The following USP45 variants were observed in gnomAD, a reference collection of about 807,000 sequenced individuals.
USP45 encodes ubiquitin carboxyl-terminal hydrolase 45.
Under a neutral mutation model 95.8 loss-of-function variants are expected in USP45, and 89 were observed. That is an observed-to-expected ratio of 0.93 (90% CI 0.78 to 1.11). The LOEUF (loss-of-function observed/expected upper bound fraction) is 1.11, where lower values mean the gene tolerates loss of function less well. USP45 is among the 50% of genes least tolerant of loss of function. The pLI, the probability that USP45 is intolerant of heterozygous loss-of-function variation, is 0.00. For missense variants in USP45, 898 were observed against 942.5 expected, an observed-to-expected ratio of 0.95 and a Z score of 0.62; for synonymous variants, 281 against 316.2, an observed-to-expected ratio of 0.89 and a Z score of 1.18.
At chr6:99,514,374 A>G (rs1213224651) in intron 1 of USP45, among the ~76,000 whole-genome samples, 2 of 152,236 alleles carry the variant, frequency 1.3e-5, no homozygotes, top group African/African-American at 2.4e-5. Context: ...TAATTTCGGC[A>G]TAAAACATAC....
At chr6:99,461,470 C>A in intron 13 of USP45, 1 of 985,284 alleles carries the variant, frequency 1.0e-6, no homozygotes, top group Non-Finnish European at 1.2e-6. Context: ...TGTATTTAGG[C>A]CAGAAATTGC....
intron 5 of USP45, among the ~76,000 whole-genome samples, chr6:99,493,276 T>C (rs138541485): frequency 1.9e-3 from 294 of 152,290 alleles, no homozygotes; most frequent in Admixed American, 5.5e-3. Context: ...TCCACCCTCC[T>C]TGGCCTCCCA....
chr6:99,477,811 CT>C (rs1040571111), intron 8 of USP45, among the ~76,000 whole-genome samples: 6 of 152,186 alleles, frequency 3.9e-5, no homozygotes, highest in African/African-American at 1.4e-4. Flanking sequence ...CCTTGATGGG[CT>C]TCCCTACCTG....
At chr6:99,508,031 A>G (rs1402575151) in intron 3 of USP45, among the ~76,000 whole-genome samples, 2 of 152,200 alleles carry the variant, frequency 1.3e-5, no homozygotes, top group Non-Finnish European at 2.9e-5. Flanking sequence ...TAAGAGGAAC[A>G]CAACCATGAG....
intron 14 of USP45, 46 bp from the exon 15 acceptor site, chr6:99,443,708 A>G (rs779119028): frequency 8.4e-7 from 1 of 1,192,714 alleles, no homozygotes; most frequent in South Asian, 1.7e-5. Context: ...CATTTTATAC[A>G]TTATCTACCA....
chr6:99,503,349 C>T (rs192536866), intron 5 of USP45, among the ~76,000 whole-genome samples: 77 of 149,116 alleles, frequency 5.2e-4, no homozygotes, highest in Admixed American at 1.2e-3. Context: ...TTTCTTGAGA[C>T]GGGGTCTTGC....
At chr6:99,495,841 C>T (rs1796172951) in intron 5 of USP45, among the ~76,000 whole-genome samples, 2 of 152,152 alleles carry the variant, frequency 1.3e-5, no homozygotes, top group Non-Finnish European at 2.9e-5. Context: ...AACACCCTAA[C>T]ATCCTAGGTA....
chr6:99,507,641 A>G, intron 3 of USP45, 110 bp from the exon 4 acceptor site: 1 of 682,542 alleles, frequency 1.5e-6, no homozygotes, highest in Non-Finnish European at 2.4e-6. Context: ...TTTTAATTTC[A>G]GGCCAGAGGA....
At chr6:99,490,474 C>T (rs932550164) in intron 5 of USP45, among the ~76,000 whole-genome samples, 4 of 152,040 alleles carry the variant, frequency 2.6e-5, no homozygotes, top group African/African-American at 9.7e-5. Flanking sequence ...GCCACCGTAG[C>T]CAGCCAGCCC....
chr6:99,508,457 T>C (rs1278281590), intron 3 of USP45, among the ~76,000 whole-genome samples, 153 bp downstream of exon 3: 1 of 152,220 alleles, frequency 6.6e-6, no homozygotes, highest in Non-Finnish European at 1.5e-5. Context: ...TACTTTACCT[T>C]AACAATCATT....
At chr6:99,460,484 G>A (rs1272682732) in intron 13 of USP45, among the ~76,000 whole-genome samples, 2 of 151,978 alleles carry the variant, frequency 1.3e-5, no homozygotes, top group East Asian at 3.9e-4. Flanking sequence ...CTAAGTACCT[G>A]TTCAATTTTA....
chr6:99,488,548 G>T, intron 6 of USP45, 133 bp downstream of exon 6: 3 of 991,788 alleles, frequency 3.0e-6, no homozygotes, highest in Non-Finnish European at 4.4e-6. Context: ...GCCCAAGATA[G>T]CGTAAACAAA....
At chr6:99,500,659 G>A (rs1797181890) in intron 5 of USP45, among the ~76,000 whole-genome samples, 1 of 152,052 alleles carries the variant, frequency 6.6e-6, no homozygotes, top group South Asian at 2.1e-4. Flanking sequence ...GAAACTTAAT[G>A]CTCATTTTTC....
intron 14 of USP45, among the ~76,000 whole-genome samples, chr6:99,445,204 G>A (rs796573582): frequency 1.3e-5 from 2 of 152,098 alleles, no homozygotes. Flanking sequence ...TTTTAGGGAG[G>A]CCAGGCATGG....
chr6:99,485,541 A>C (rs1409679912), intron 7 of USP45, among the ~76,000 whole-genome samples: 1 of 152,166 alleles, frequency 6.6e-6, no homozygotes, highest in Admixed American at 6.6e-5. Context: ...AAACCAGGTT[A>C]GTGGTTACTC....
intron 9 of USP45, among the ~76,000 whole-genome samples, chr6:99,472,454 G>A (rs146864979): frequency 1.3e-3 from 204 of 152,116 alleles, no homozygotes; most frequent in African/African-American, 4.4e-3. Flanking sequence ...GACCTCAGGC[G>A]ATCTGCCCAC....
chr6:99,448,980 T>A (rs973542605), intron 13 of USP45, among the ~76,000 whole-genome samples: 1 of 152,182 alleles, frequency 6.6e-6, no homozygotes, highest in Non-Finnish European at 1.5e-5. Context: ...GCTGAGAGAT[T>A]GTGTCACCAC....
Position 99,503,832 on chromosome 6 carries a change from A to G in USP45, c.411T>C (p.His137=). Reference sequence around the variant, plus strand: ...TCTGAGCCAAAACCTTCTTATTACAATGCGTTGATAATTTTTCATCACATT... The same window carrying G: ...TCTGAGCCAAAACCTTCTTATTACAGTGCGTTGATAATTTTTCATCACATT... ...CYECDEKLST[H]CNKKVLAQIV... The change falls in exon 5 of 18, where the codon CAT becomes CAC. Residue 137 remains histidine, a synonymous_variant. Coordinates refer to ENST00000500704, the MANE Select transcript of USP45 (RefSeq NM_001346022.3). 1 of 1,597,816 alleles carries G rather than the reference A, an allele frequency of 6.3e-7. No individual in the cohort carries two copies.
chr6:99,464,975 A>G, intron 12 of USP45, 105 bp downstream of exon 12: 1 of 1,054,628 alleles, frequency 9.5e-7, no homozygotes, highest in Non-Finnish European at 1.3e-6. Flanking sequence ...AATTATATAT[A>G]AAAAATAATG....
Sources: gnomAD v4.1 joint callset for allele counts (sites outside exome capture counted in the v4.1 genomes callset) on GRCh38, gnomAD v4.1.1 for gene constraint, MANE v1.5 for transcripts, NCBI Gene and HGNC (gene_info 2026-07-23, HGNC 2026-07-21) for gene names.